The following TANGO6 variants were observed in gnomAD, a reference collection of about 807,000 sequenced individuals.
TANGO6 encodes the protein transport and Golgi organization protein 6 homolog.
A neutral mutation model predicts 114.2 loss-of-function variants in TANGO6; 90 were observed. The ratio of observed to expected loss-of-function variants is 0.79; its 90% CI spans 0.66 to 0.94. The LOEUF is 0.94. Ranked by LOEUF, TANGO6 falls within the 40% of genes least tolerant of loss-of-function variation. The probability of loss-of-function intolerance (pLI) is 0.00; values close to 1 mark genes in which losing one functional copy is unlikely to be tolerated. For missense variants in TANGO6, 1,274 were observed against 1,315.3 expected (o/e 0.97, Z 0.49); for synonymous variants, 477 against 509.8 (o/e 0.94, Z 0.87).
chr16:68,997,104 G>T (rs1431731175), intron 15 of TANGO6, among the ~76,000 whole-genome samples: 1 of 152,182 alleles, frequency 6.6e-6, no homozygotes, highest in Middle Eastern at 3.2e-3. Flanking sequence ...AGCTATACAT[G>T]GAAACTGTGG....
chr16:68,997,223 T>A lies in TANGO6; in HGVS notation c.2842+23055T>A, dbSNP rs138648818. The stretch of plus-strand genomic sequence containing the variant: ...TTCTTGGCTTCACTGAGGAAGGAAT[T>A]CAAGAGTGAGCCAACAGAGTAAAGT... On this transcript the variant is annotated intron_variant, in intron 15 of 17. Transcript: ENST00000261778. Among the ~76,000 whole-genome samples, 35 of 152,274 alleles carry A rather than the reference T, an allele frequency of 2.3e-4. No individual in the cohort carries two copies. The East Asian group carries it at 5.2e-3, about 23-fold the overall frequency.
At chr16:68,872,708 G>A (rs1385119801) in intron 4 of TANGO6, among the ~76,000 whole-genome samples, 3 of 148,786 alleles carry the variant, frequency 2.0e-5, no homozygotes, top group Admixed American at 1.4e-4. Flanking sequence ...ACCATAGAAC[G>A]GTGGCGCGAT....
chr16:68,956,918 T>A (rs117449305), intron 14 of TANGO6, among the ~76,000 whole-genome samples: 2,840 of 152,230 alleles, frequency 0.019, 32 homozygotes, highest in Non-Finnish European at 0.027. Context: ...GGAATGGACC[T>A]CTTCTGCTGA....
At chr16:69,063,609 C>T (rs1960162076) in intron 17 of TANGO6, among the ~76,000 whole-genome samples, 1 of 119,596 alleles carries the variant, frequency 8.4e-6, no homozygotes, top group Non-Finnish European at 1.6e-5. Flanking sequence ...TCGCTTGAAC[C>T]TGGGAGGCAA....
intron 17 of TANGO6, among the ~76,000 whole-genome samples, chr16:69,042,262 T>C (rs1959785085): frequency 6.6e-6 from 1 of 152,178 alleles, no homozygotes; most frequent in Admixed American, 6.6e-5. Context: ...TAAAAACTTC[T>C]GTAGCCGGGC....
At chr16:68,980,669 G>C (rs1292894897) in intron 15 of TANGO6, among the ~76,000 whole-genome samples, 1 of 151,604 alleles carries the variant, frequency 6.6e-6, no homozygotes, top group Non-Finnish European at 1.5e-5. Flanking sequence ...ACCACACCCA[G>C]CAAGGCTTTA....
intron 15 of TANGO6, among the ~76,000 whole-genome samples, chr16:69,013,104 A>G (rs561261193): frequency 6.6e-6 from 1 of 152,014 alleles, no homozygotes; most frequent in East Asian, 1.9e-4. Flanking sequence ...CTACTACTGT[A>G]AGTAGTTACA....
intron 17 of TANGO6, among the ~76,000 whole-genome samples, chr16:69,054,190 T>G (rs79924133): frequency 6.6e-6 from 1 of 152,190 alleles, no homozygotes; most frequent in Non-Finnish European, 1.5e-5. Flanking sequence ...TCACTTATCC[T>G]CCTGTTTTTA....
chr16:69,001,482 A>G (rs1267860890), intron 15 of TANGO6, among the ~76,000 whole-genome samples: 1 of 151,968 alleles, frequency 6.6e-6, no homozygotes. Flanking sequence ...TATTATTTAC[A>G]GCTCTTTTAT....
intron 16 of TANGO6, among the ~76,000 whole-genome samples, chr16:69,023,516 G>A (rs1390752719): frequency 6.6e-6 from 1 of 152,092 alleles, no homozygotes; most frequent in Non-Finnish European, 1.5e-5. Flanking sequence ...CTGAGAGAAA[G>A]TCATCTTAAC....
chr16:68,866,625 G>A (rs1286916729), intron 3 of TANGO6, among the ~76,000 whole-genome samples: 1 of 127,564 alleles, frequency 7.8e-6, no homozygotes, highest in African/African-American at 2.9e-5. Context: ...GCAAGACTCC[G>A]TCTCAAAAAA....
At chr16:68,963,668 A>G (rs1287564172) in intron 14 of TANGO6, among the ~76,000 whole-genome samples, 3 of 152,184 alleles carry the variant, frequency 2.0e-5, no homozygotes, top group Non-Finnish European at 2.9e-5. Flanking sequence ...GCCATTTCCC[A>G]TCACAACTTT....
chr16:69,061,742 G>T (rs549759396), intron 17 of TANGO6, among the ~76,000 whole-genome samples: 6 of 151,894 alleles, frequency 4.0e-5, no homozygotes, highest in East Asian at 1.9e-4. Flanking sequence ...TTCCGGCCGG[G>T]CGCGCGGTGG....
At chr16:68,994,670 G>A (rs574219172) in intron 15 of TANGO6, among the ~76,000 whole-genome samples, 19 of 151,368 alleles carry the variant, frequency 1.3e-4, no homozygotes, top group Non-Finnish European at 2.5e-4. Flanking sequence ...TACCTCCTGG[G>A]CTCAAACAAT....
intron 17 of TANGO6, among the ~76,000 whole-genome samples, chr16:69,074,188 T>C (rs1305545586): frequency 6.6e-6 from 1 of 151,850 alleles, no homozygotes; most frequent in Admixed American, 6.6e-5. Flanking sequence ...AATATGTGGG[T>C]CCCAGTGCAG....
At chr16:69,077,068 G>A (rs1205310713) in intron 17 of TANGO6, among the ~76,000 whole-genome samples, 2 of 151,650 alleles carry the variant, frequency 1.3e-5, no homozygotes, top group Non-Finnish European at 2.9e-5. Flanking sequence ...TGGAGACAGG[G>A]TCTCACTCTG....
intron 12 of TANGO6, 85 bp from the exon 13 acceptor site, chr16:68,927,476 CCTTTTTT>C: frequency 7.2e-7 from 1 of 1,392,438 alleles, no homozygotes; most frequent in South Asian, 1.3e-5. Context: ...TGATCCCTGC[CCTTTTTT>C]CTCAGAATAT....
At chr16:68,911,565 T>A (rs534072935) in intron 11 of TANGO6, among the ~76,000 whole-genome samples, 2 of 151,954 alleles carry the variant, frequency 1.3e-5, no homozygotes, top group Non-Finnish European at 2.9e-5. Context: ...TACAGGCACA[T>A]GCCACCACGC....
chr16:68,972,229 C>G (rs1172510225), intron 14 of TANGO6, among the ~76,000 whole-genome samples: 3 of 151,866 alleles, frequency 2.0e-5, no homozygotes, highest in Non-Finnish European at 2.9e-5. Flanking sequence ...TCTTTGGAAG[C>G]AAGAAAAGAT....
Sources: allele counts gnomAD v4.1 joint callset (sites outside exome capture counted in the v4.1 genomes callset), GRCh38; gene constraint gnomAD v4.1.1; transcripts MANE v1.5; gene names NCBI Gene and HGNC (gene_info 2026-07-23, HGNC 2026-07-21).